Variants in BIRC2 observed in about 807,000 individuals in gnomAD.
The protein encoded by BIRC2 is baculoviral IAP repeat containing 2, also known as baculoviral IAP repeat-containing protein 2.
Under a neutral mutation model 60.9 loss-of-function variants are expected in BIRC2, and 18 were observed. That is an observed-to-expected ratio of 0.30 (90% CI 0.20 to 0.44). BIRC2 has a LOEUF of 0.44. Among genes scored for constraint, BIRC2 ranks in the 20% least tolerant of loss-of-function variants. The probability of loss-of-function intolerance (pLI) is 1.00; values close to 1 mark genes in which losing one functional copy is unlikely to be tolerated. For missense variants in BIRC2, 701 were observed against 728.5 expected, an observed-to-expected ratio of 0.96 and a Z score of 0.43; for synonymous variants, 282 against 247.7, an observed-to-expected ratio of 1.14 and a Z score of -1.30.
In BIRC2 at chr11:102,364,139, TTATATATATATATATATATATATA is replaced by T. The variant is rs371707721; in HGVS notation, c.1123+436_1123+459del. 9.9e-4 allele frequency among the ~76,000 whole-genome samples: 61 copies of T among 61,408 alleles called. 1 individual carries two copies. Among genetic ancestry groups the T allele is most frequent in the African/African-American group, 4.3e-3 (55 of 12,892 alleles). 40.3% of individuals were successfully genotyped at this position (61,408 alleles called of 152,430 possible). A position where few individuals can be genotyped will look rare whatever the true frequency, so the allele number is the denominator to read the frequency against. ...ATACTGGGAAGTCAGCTAATAAATA[TTATATATATATATATATATATATA>T]TATATATATATACACACACACACAG... On this transcript the variant is annotated intron_variant, in intron 5 of 8. Coordinates refer to ENST00000227758, the MANE Select transcript of BIRC2 (RefSeq NM_001166.5).
chr11:102,366,705 C>G (rs1203522440), intron 5 of BIRC2, among the ~76,000 whole-genome samples: 1 of 152,156 alleles, frequency 6.6e-6, no homozygotes, highest in Non-Finnish European at 1.5e-5. Flanking sequence ...CTACCGTCAT[C>G]TGTGTCTAAC....
intron 6 of BIRC2, among the ~76,000 whole-genome samples, chr11:102,369,085 A>G (rs1033894082): frequency 1.3e-5 from 2 of 152,110 alleles, no homozygotes; most frequent in African/African-American, 4.8e-5. Flanking sequence ...TCGTCCAGAT[A>G]GTATTAAGTC....
rs888940490 is a variant in BIRC2 at position 102,373,528 on chromosome 11, G to A, written c.1367-3968G>A. 5.9e-3 allele frequency among the ~76,000 whole-genome samples: 897 copies of A among 151,968 alleles called. 5 individuals are homozygous for A. Among genetic ancestry groups the A allele is most frequent in the Non-Finnish European group, 9.3e-3 (634 of 67,948 alleles). ...TCTTCTGGCTTGTAGGGTTTCTGCC[G>A]AGAGATCCGTTGTTAGTCTGATGGG... On this transcript the variant is annotated intron_variant, in intron 6 of 8. Coordinates refer to ENST00000227758, the MANE Select transcript of BIRC2 (RefSeq NM_001166.5).
At chr11:102,358,306 C>A (rs1951445860) in intron 3 of BIRC2, among the ~76,000 whole-genome samples, 1 of 152,166 alleles carries the variant, frequency 6.6e-6, no homozygotes, top group South Asian at 2.1e-4. Flanking sequence ...TGAGTACCAA[C>A]ATGATGCTGA....
rs996507616 is a variant in BIRC2 at position 102,351,552 on chromosome 11, C to T, written c.995+609C>T. On this transcript the variant is annotated intron_variant, in intron 3 of 8. Coordinates refer to ENST00000227758, the MANE Select transcript of BIRC2 (RefSeq NM_001166.5). Reference sequence around the variant, plus strand: ...ATCGCTTGAGCTCAGGAGGCGGAGGCTGCAGTGAGCCAGGATTGTGCCACT... The same window carrying T: ...ATCGCTTGAGCTCAGGAGGCGGAGGTTGCAGTGAGCCAGGATTGTGCCACT... Among the ~76,000 whole-genome samples, 57 of 130,916 alleles carry T rather than the reference C, an allele frequency of 4.4e-4. 1 individual carries two copies. Among genetic ancestry groups the T allele is most frequent in the African/African-American group, 1.5e-3 (51 of 35,122 alleles). 85.9% of individuals were successfully genotyped at this position (130,916 alleles called of 152,430 possible). A position where few individuals can be genotyped will look rare whatever the true frequency, so the allele number is the denominator to read the frequency against.
chr11:102,357,028 C>T (rs1272530943), intron 3 of BIRC2, among the ~76,000 whole-genome samples: 6 of 152,152 alleles, frequency 3.9e-5, no homozygotes, highest in Non-Finnish European at 7.4e-5. Context: ...TATTGATTTG[C>T]ATATGTCATA....
At chr11:102,354,608 G>A (rs2135806543) in intron 3 of BIRC2, among the ~76,000 whole-genome samples, 1 of 152,254 alleles carries the variant, frequency 6.6e-6, no homozygotes, top group African/African-American at 2.4e-5. Flanking sequence ...CTTCAGATAT[G>A]TACACAGAAG....
chr11:102,374,324 G>A (rs1951674399), intron 6 of BIRC2, among the ~76,000 whole-genome samples: 1 of 150,290 alleles, frequency 6.7e-6, no homozygotes, highest in South Asian at 2.1e-4. Flanking sequence ...CTTTGATGAT[G>A]GTGATGTACA....
In BIRC2 at chr11:102,350,255, G is replaced by C; in HGVS notation, c.401G>C (p.Ser134Thr). The C allele has an allele frequency of 6.2e-7, 1 of 1,614,224 alleles. No individual in the cohort carries two copies. Among genetic ancestry groups the C allele is most frequent in the Non-Finnish European group, 8.5e-7 (1 of 1,180,048 alleles). The part of the protein sequence containing the change: ...TSKNTSPMRN[S>T]FAHSLSPTLE... Reference sequence around the variant, plus strand: ...AAGAATACGTCTCCAATGAGAAACAGTTTTGCACATTCATTATCTCCCACC... The same window carrying C: ...AAGAATACGTCTCCAATGAGAAACACTTTTGCACATTCATTATCTCCCACC... The change falls in exon 2 of 9, where the codon AGT becomes ACT. Residue 134 changes from serine (S) to threonine (T), a missense_variant. Transcript: ENST00000227758.
intron 3 of BIRC2, among the ~76,000 whole-genome samples, chr11:102,351,629 A>AG (rs1211993814): frequency 1.2e-4 from 18 of 150,242 alleles, no homozygotes; most frequent in Non-Finnish European, 1.9e-4. Flanking sequence ...AAAAAAAAAA[A>AG]AAAAAAAAGA....
chr11:102,353,176 T>C (rs578078712), intron 3 of BIRC2, among the ~76,000 whole-genome samples: 1 of 152,290 alleles, frequency 6.6e-6, no homozygotes, highest in Admixed American at 6.5e-5. Flanking sequence ...GCTTCCAAAT[T>C]CCAGTGTTGG....
intron 3 of BIRC2, among the ~76,000 whole-genome samples, chr11:102,354,944 G>GTTTTT (rs61520984): frequency 1.0e-4 from 9 of 89,650 alleles, no homozygotes; most frequent in African/African-American, 2.2e-4. Context: ...AATTATTTGG[G>GTTTTT]TTTTTTTTTT....
intron 6 of BIRC2, among the ~76,000 whole-genome samples, chr11:102,375,937 T>G (rs990704015): frequency 6.6e-6 from 1 of 151,938 alleles, no homozygotes; most frequent in Non-Finnish European, 1.5e-5. Flanking sequence ...ATAAAACACT[T>G]TAACACAGCT....
chr11:102,355,550 C>T (rs1251130097), intron 3 of BIRC2, among the ~76,000 whole-genome samples: 2 of 151,994 alleles, frequency 1.3e-5, no homozygotes, highest in African/African-American at 4.8e-5. Context: ...TATGATGCCT[C>T]CAGTTGTTTT....
intron 5 of BIRC2, among the ~76,000 whole-genome samples, chr11:102,364,138 ATTATAT>A (rs1951517523): frequency 2.4e-5 from 1 of 41,596 alleles, no homozygotes; most frequent in South Asian, 9.2e-4. Flanking sequence ...GCTAATAAAT[ATTATAT>A]ATATATATAT....
At chr11:102,372,964 G>A (rs947419175) in intron 6 of BIRC2, among the ~76,000 whole-genome samples, 13 of 151,510 alleles carry the variant, frequency 8.6e-5, no homozygotes, top group Admixed American at 4.6e-4. Context: ...TTTAAAGTCC[G>A]TTTTATCAGA....
intron 3 of BIRC2, among the ~76,000 whole-genome samples, chr11:102,362,280 TGTATA>T (rs756624695): frequency 5.9e-5 from 9 of 152,292 alleles, no homozygotes; most frequent in South Asian, 2.1e-4. Flanking sequence ...AATATTCTGT[TGTATA>T]GTATCATTTA....
chr11:102,368,673 C>G, intron 6 of BIRC2, 125 bp downstream of exon 6: 5 of 1,318,572 alleles, frequency 3.8e-6, no homozygotes, highest in Non-Finnish European at 4.1e-6. Context: ...CCAGTCATTT[C>G]GAAACCATCC....
chr11:102,375,432 G>A (rs372873871), intron 6 of BIRC2, among the ~76,000 whole-genome samples: 1 of 152,148 alleles, frequency 6.6e-6, no homozygotes, highest in Non-Finnish European at 1.5e-5. Context: ...TTGCATGACC[G>A]TGTAGCAAAA....
Sources: gnomAD v4.1 joint callset for allele counts (sites outside exome capture counted in the v4.1 genomes callset) on GRCh38, gnomAD v4.1.1 for gene constraint, MANE v1.5 for transcripts, NCBI Gene and HGNC (gene_info 2026-07-23, HGNC 2026-07-21) for gene names.